CACNA1D: variants seen among roughly 807,000 people sequenced by gnomAD.
The protein encoded by CACNA1D is calcium voltage-gated channel subunit alpha1 D.
A neutral mutation model predicts 257.1 loss-of-function variants in CACNA1D; 55 were observed. The ratio of observed to expected loss-of-function variants is 0.21; its 90% CI spans 0.17 to 0.27. CACNA1D has a LOEUF of 0.27. CACNA1D is among the 10% of genes least tolerant of loss of function. CACNA1D has a pLI of 1.00. For synonymous variants in CACNA1D, 980 were observed against 1,014.9 expected (o/e 0.97, Z 0.65); for missense variants, 1,876 against 2,784.0 (o/e 0.67, Z 7.34).
chr3:53,707,639 C>T lies in CACNA1D; in HGVS notation c.1390+4829C>T, dbSNP rs185207848. Among the ~76,000 whole-genome samples, 9 of 152,226 alleles carry T rather than the reference C, an allele frequency of 5.9e-5. No individual in the cohort carries two copies. In the East Asian group the frequency reaches 1.7e-3, roughly 29 times the overall value. On this transcript the variant is annotated intron_variant, in intron 9 of 47. Coordinates refer to ENST00000350061, the MANE Select transcript of CACNA1D (RefSeq NM_001128840.3). ...ATAATTTATTTAACTTTTTGCTGAG[C>T]TTCAAGTTTCTTAAGAAACCCTGCC...
chr3:53,703,424 G>A (rs1051769923), intron 9 of CACNA1D, among the ~76,000 whole-genome samples: 9 of 152,350 alleles, frequency 5.9e-5, no homozygotes, highest in African/African-American at 2.2e-4. Context: ...ACCTTCTGCA[G>A]GAGGCAAGGC....
chr3:53,718,835 T>C, intron 10 of CACNA1D: 1 of 1,135,614 alleles, frequency 8.8e-7, no homozygotes, highest in Non-Finnish European at 1.3e-6. Flanking sequence ...ATGTGCTACG[T>C]ATTTAAGTTT....
intron 9 of CACNA1D, chr3:53,710,501 T>G (rs1355275536): frequency 4.4e-6 from 2 of 456,698 alleles, no homozygotes; most frequent in East Asian, 6.9e-5. Flanking sequence ...GACTGAGCTT[T>G]CTTTTTCCGC....
chr3:53,532,386 A>G (rs1396290934), intron 3 of CACNA1D, among the ~76,000 whole-genome samples: 2 of 152,204 alleles, frequency 1.3e-5, no homozygotes, highest in South Asian at 2.1e-4. Context: ...ATTGTCTCCA[A>G]TAGTCACAAT....
At chr3:53,782,288 A>ATATATATATAT (rs1036369774) in intron 39 of CACNA1D, 1 of 143,568 alleles carries the variant, frequency 7.0e-6, no homozygotes, top group Admixed American at 7.0e-5. Flanking sequence ...ATATATATAT[A>ATATATATATAT]TATATGCATA....
chr3:53,810,209 A>C lies in CACNA1D; in HGVS notation c.6103A>C (p.Thr2035Pro). 13 of 1,613,960 alleles carry C rather than the reference A, an allele frequency of 8.1e-6. No homozygotes were observed. The highest frequency in any genetic ancestry group is 1.1e-5 in the South Asian group (1 of 91,082). The change falls in exon 47 of 48, where the codon ACT becomes CCT. Residue 2035 changes from threonine to proline, a missense_variant. Around this residue, in one of 10 missense-constraint regions of CACNA1D, gnomAD observed 491 missense variants for 554.3 expected, o/e 0.89. Transcript: ENST00000350061. ...AGACGAGCCCGACATCTCCTACCGGACTTTCACACCAGCCAGCCTGACTGT... is the reference window on the plus strand; with the variant it reads ...AGACGAGCCCGACATCTCCTACCGGCCTTTCACACCAGCCAGCCTGACTGT... ...YTDEPDISYRTFTPASLTVPS... is the reference protein window; with the variant it reads ...YTDEPDISYRPFTPASLTVPS...
intron 3 of CACNA1D, among the ~76,000 whole-genome samples, chr3:53,637,976 A>G (rs2093905012): frequency 6.6e-6 from 1 of 152,232 alleles, no homozygotes; most frequent in Non-Finnish European, 1.5e-5. Flanking sequence ...TACTTAAAAT[A>G]TTTTAAAGCT....
intron 5 of CACNA1D, among the ~76,000 whole-genome samples, chr3:53,660,965 C>G (rs1413799964): frequency 1.3e-5 from 2 of 152,194 alleles, no homozygotes; most frequent in African/African-American, 4.8e-5. Context: ...CAGTGCCAGG[C>G]CCCAGTGTGC....
rs2093878786 is a variant in CACNA1D, at chr3:53,635,982, T to C, written c.484-14797T>C. Among the ~76,000 whole-genome samples, 8 of 152,314 alleles carry C rather than the reference T, an allele frequency of 5.3e-5. No homozygotes were observed. The South Asian group carries it at 1.7e-3, about 32-fold the overall frequency. ...CACCGGAAATTCACCTCCATCCCTA[T>C]CACTTCCTGGGGTAGTTCTTTCTGA... On this transcript the variant is annotated intron_variant, in intron 3 of 47. Coordinates refer to ENST00000350061, the MANE Select transcript of CACNA1D (RefSeq NM_001128840.3).
chr3:53,633,451 A>AAAAAAC (rs3082753), intron 3 of CACNA1D, among the ~76,000 whole-genome samples: 79,369 of 151,080 alleles, frequency 0.53, 21,167 homozygotes, highest in East Asian at 0.67. Flanking sequence ...ACTCTGTCTT[A>AAAAAAC]AAAAACAAAA....
intron 8 of CACNA1D, among the ~76,000 whole-genome samples, chr3:53,700,857 T>TTTCC (rs2094618126): frequency 6.6e-6 from 1 of 151,450 alleles, no homozygotes; most frequent in African/African-American, 2.4e-5. Context: ...TTCTTTTTTT[T>TTTCC]TTCCTTTCTT....
chr3:53,808,798 A>C, intron 46 of CACNA1D, 28 bp downstream of exon 46: 1 of 1,602,530 alleles, frequency 6.2e-7, no homozygotes, highest in Non-Finnish European at 8.5e-7. Context: ...CCTTGCCCCC[A>C]CACCTAGGGG....
chr3:53,797,427 A>AT (rs1205366648), intron 40 of CACNA1D, among the ~76,000 whole-genome samples: 10 of 152,200 alleles, frequency 6.6e-5, no homozygotes, highest in African/African-American at 2.4e-4. Flanking sequence ...AACAAGCAGA[A>AT]TATAATCATG....
chr3:53,727,208 C>T (rs951855293), intron 15 of CACNA1D, among the ~76,000 whole-genome samples: 1 of 152,188 alleles, frequency 6.6e-6, no homozygotes, highest in African/African-American at 2.4e-5. Flanking sequence ...TTGAGGGATG[C>T]GCTCTGGCTA....
chr3:53,763,106 C>T (rs1456354120), intron 30 of CACNA1D, among the ~76,000 whole-genome samples: 1 of 152,152 alleles, frequency 6.6e-6, no homozygotes, highest in Non-Finnish European at 1.5e-5. Flanking sequence ...CTGCTGGTGC[C>T]CTCACCTGTA....
intron 3 of CACNA1D, among the ~76,000 whole-genome samples, chr3:53,586,602 TAAC>T (rs1205554666): frequency 2.0e-5 from 3 of 152,324 alleles, no homozygotes; most frequent in Non-Finnish European, 4.4e-5. Context: ...AAACTAACAG[TAAC>T]AACGATTCTT....
At chr3:53,802,911 T>C (rs1049383310) in intron 43 of CACNA1D, among the ~76,000 whole-genome samples, 2 of 152,154 alleles carry the variant, frequency 1.3e-5, no homozygotes, top group Admixed American at 6.5e-5. Flanking sequence ...ATGGTGGACA[T>C]GTTCTGTGAC....
chr3:53,679,403 G>A (rs1309429786), intron 8 of CACNA1D: 1 of 143,534 alleles, frequency 7.0e-6, no homozygotes, highest in Non-Finnish European at 1.5e-5. Flanking sequence ...TGTCTGCTTT[G>A]TAAAAGAGTA....
At chr3:53,565,641 C>T (rs1171243010) in intron 3 of CACNA1D, among the ~76,000 whole-genome samples, 1 of 152,120 alleles carries the variant, frequency 6.6e-6, no homozygotes, top group Non-Finnish European at 1.5e-5. Context: ...TGAGGAACTT[C>T]AAAAGGCATG....
Sources: allele counts gnomAD v4.1 joint callset (sites outside exome capture counted in the v4.1 genomes callset), GRCh38; gene constraint gnomAD v4.1.1; regional missense constraint gnomAD v4.1.1; transcripts MANE v1.5; gene names NCBI Gene and HGNC (gene_info 2026-07-23, HGNC 2026-07-21).